The following AHNAK variants were observed in gnomAD, a reference collection of about 807,000 sequenced individuals.
AHNAK encodes the protein AHNAK nucleoprotein.
Under a neutral mutation model 37.8 loss-of-function variants are expected in AHNAK, and 23 were observed. That is an observed-to-expected ratio of 0.61 (90% CI 0.44 to 0.86). AHNAK has a LOEUF of 0.86. Ranked by LOEUF, AHNAK falls within the 40% of genes least tolerant of loss-of-function variation. The probability of loss-of-function intolerance (pLI) is 0.00; values close to 1 mark genes in which losing one functional copy is unlikely to be tolerated. For missense variants in AHNAK, 7,411 were observed against 7,319.4 expected (o/e 1.01, Z -0.46); for synonymous variants, 2,481 against 2,636.3 (o/e 0.94, Z 1.80).
intron 5 of AHNAK, chr11:62,491,601 C>T: frequency 1.3e-6 from 1 of 785,278 alleles, no homozygotes; most frequent in Non-Finnish European, 2.0e-6. Flanking sequence ...AGGGGCTGGG[C>T]TCCTGGGGTC....
intron 5 of AHNAK, among the ~76,000 whole-genome samples, chr11:62,475,900 C>T (rs1298290): frequency 0.11 from 16,118 of 152,144 alleles, 2,262 homozygotes; most frequent in African/African-American, 0.33. Flanking sequence ...CCACCGCCCC[C>T]GGCTATATAT....
chr11:62,507,735 G>A (rs1400564356), intron 4 of AHNAK, among the ~76,000 whole-genome samples: 5 of 152,066 alleles, frequency 3.3e-5, no homozygotes, highest in Admixed American at 3.3e-4. Context: ...AAGCTGAGAT[G>A]GCACCACTGC....
At chr11:62,501,047 C>T (rs928112297) in intron 4 of AHNAK, among the ~76,000 whole-genome samples, 6 of 151,746 alleles carry the variant, frequency 4.0e-5, no homozygotes, top group Non-Finnish European at 7.4e-5. Context: ...AGTGAAACAC[C>T]ATCTCTACAA....
intron 5 of AHNAK, among the ~76,000 whole-genome samples, chr11:62,436,956 T>C (rs61895390): frequency 0.026 from 3,830 of 149,826 alleles, 68 homozygotes; most frequent in Non-Finnish European, 0.04. Context: ...AAAAAAGAAG[T>C]ATAACATACA....
In AHNAK at chr11:62,530,006, C is replaced by T; in HGVS notation, c.4411G>A (p.Val1471Ile). The T allele has an allele frequency of 6.2e-7, 1 of 1,614,082 alleles. No individual in the cohort carries two copies. The highest frequency in any genetic ancestry group is 8.5e-7 in the Non-Finnish European group (1 of 1,180,028). The stretch of plus-strand genomic sequence containing the variant: ...TCTCCTTCTACTTTTGGAACTGTTA[C>T]ATCATAATCTCCTTTCATTTTAGGA... ...KGPKMKGDYD[V>I]TVPKVEGEIK... Residue 1471 changes from valine (V) to isoleucine (I), a missense_variant, in exon 5 of 5, where the codon GTA (valine) becomes ATA (isoleucine). Coordinates refer to ENST00000378024, the MANE Select transcript of AHNAK (RefSeq NM_001620.3).
chr11:62,545,349 C>A (rs962032037), intron 1 of AHNAK, among the ~76,000 whole-genome samples: 3 of 152,234 alleles, frequency 2.0e-5, no homozygotes, highest in Non-Finnish European at 4.4e-5. Context: ...TCTGCCCCCT[C>A]CGCACCCCTC....
At chr11:62,511,172 A>G (rs1369460312), downstream of AHNAK, among the ~76,000 whole-genome samples, 1 of 152,146 alleles carries the variant, frequency 6.6e-6, no homozygotes, top group Non-Finnish European at 1.5e-5. Flanking sequence ...AAAGTTAGTC[A>G]CACACATAAT....
intron 5 of AHNAK, among the ~76,000 whole-genome samples, chr11:62,463,495 C>G (rs1379960087): frequency 7.4e-6 from 1 of 134,940 alleles, no homozygotes; most frequent in Admixed American, 7.5e-5. Flanking sequence ...GCCTCCCTCC[C>G]GTCTTGCTTT....
rs765094108 is a variant in AHNAK, at chr11:62,522,006, A to T, written c.12411T>A (p.Asn4137Lys). Residue 4137 changes from asparagine to lysine, a missense_variant, in exon 5 of 5, where the codon AAT (asparagine) becomes AAA (lysine). Asn to Lys is a moderately conservative substitution (Grantham distance 94). Transcript: ENST00000378024. ...PKISMPEVDLNLKGPKMKGDV... is the reference protein window; with the variant it reads ...PKISMPEVDLKLKGPKMKGDV... ...CGCCCTTCATCTTTGGACCTTTCAG[A>T]TTCAGGTCAACTTCAGGCATAGAGA... 1.2e-6 allele frequency: 2 copies of T among 1,613,816 alleles called. No individual in the cohort carries two copies. Among genetic ancestry groups the T allele is most frequent in the East Asian group, 4.5e-5 (2 of 44,856 alleles).
At chr11:62,515,672 G>C (rs1261480310), downstream of AHNAK, among the ~76,000 whole-genome samples, 2 of 152,212 alleles carry the variant, frequency 1.3e-5, no homozygotes, top group Non-Finnish European at 2.9e-5. Flanking sequence ...TAGGTGAGTG[G>C]GTCCCGAGGC....
Position 62,521,769 on chromosome 11 carries a change from G to T in AHNAK, c.12648C>A (p.Asp4216Glu), listed in dbSNP as rs144527043. 1,156 of 1,613,098 alleles carry T rather than the reference G, an allele frequency of 7.2e-4. 1 individual carries two copies. Among genetic ancestry groups the T allele is most frequent in the Non-Finnish European group, 8.9e-4 (1,049 of 1,179,800 alleles). ...PDVDVNLPKA[D>E]LDVSGPKVDI... ...CCACCTTGGGTCCTGAGACGTCAAGGTCAGCCTTGGGCAGGTTCACATCCA... is the reference window on the plus strand; with the variant it reads ...CCACCTTGGGTCCTGAGACGTCAAGTTCAGCCTTGGGCAGGTTCACATCCA... Residue 4216 changes from aspartate (D) to glutamate (E), a missense_variant, in exon 5 of 5, where the codon GAC becomes GAA. Coordinates refer to ENST00000378024, the MANE Select transcript of AHNAK (RefSeq NM_001620.3).
chr11:62,479,752 G>A (rs1208820885), intron 5 of AHNAK, among the ~76,000 whole-genome samples: 1 of 152,160 alleles, frequency 6.6e-6, no homozygotes, highest in Non-Finnish European at 1.5e-5. Flanking sequence ...GATAAGGCAT[G>A]AAATCAAAGC....
At chr11:62,479,803 C>CTTGGAGAT (rs1366771630) in intron 5 of AHNAK, among the ~76,000 whole-genome samples, 1 of 152,220 alleles carries the variant, frequency 6.6e-6, no homozygotes, top group African/African-American at 2.4e-5. Context: ...TGATCCATTC[C>CTTGGAGAT]TGCATGCAAT....
In AHNAK at chr11:62,523,592, T is replaced by C. The variant is rs1452817034; in HGVS notation, c.10825A>G (p.Lys3609Glu). ...CCTTTGAAGCCAGGCATGCTGAACT[T>C]GGGCATTTTCACTTTGGGCATCTTC... ...HLKMPKVKMP[K>E]FSMPGFKGEG... Residue 3609 changes from lysine (K) to glutamate (E), a missense_variant, in exon 5 of 5, where the codon AAG becomes GAG. Transcript: ENST00000378024. The C allele has an allele frequency of 2.5e-6, 4 of 1,614,046 alleles. No individual in the cohort carries two copies. The African/African-American group carries it at 5.3e-5, about 22-fold the overall frequency.
In AHNAK at chr11:62,523,471, C is replaced by G; in HGVS notation, c.10946G>C (p.Gly3649Ala). Residue 3649 changes from glycine to alanine, a missense_variant, in exon 5 of 5, where the codon GGT becomes GCT. Gly to Ala is a moderately conservative substitution (Grantham distance 60). Coordinates refer to ENST00000378024, the MANE Select transcript of AHNAK (RefSeq NM_001620.3). ...GGGGCCCTTCAGCTTTGCATCTGGA[C>G]CTTCAATATTCACGTCTGGAACATC... is the stretch of plus-strand genomic sequence containing the variant. The part of the protein sequence containing the change: ...DVDVPDVNIE[G>A]PDAKLKGPKF... The G allele has an allele frequency of 6.2e-7, 1 of 1,613,350 alleles. No homozygotes were observed.
intron 4 of AHNAK, among the ~76,000 whole-genome samples, chr11:62,494,475 C>G (rs1939570317): frequency 6.6e-6 from 1 of 152,008 alleles, no homozygotes; most frequent in African/African-American, 2.4e-5. Context: ...CTCCTTACAT[C>G]AACTCTGGAG....
intron 5 of AHNAK, among the ~76,000 whole-genome samples, chr11:62,477,621 G>A (rs1939178711): frequency 6.6e-6 from 1 of 152,138 alleles, no homozygotes; most frequent in Admixed American, 6.6e-5. Context: ...GGCCAACATG[G>A]TGAAACCCCT....
rs1940700920 is a variant in AHNAK at position 62,530,594 on chromosome 11, C to T, written c.3823G>A (p.Asp1275Asn). 2 of 1,613,052 alleles carry T rather than the reference C, an allele frequency of 1.2e-6. No homozygotes were observed. The highest frequency in any genetic ancestry group is 1.3e-5 in the African/African-American group (1 of 74,562). ...ATGTCAGCCTTGGGCAGGTTCACAT[C>T]CACTTCTCGGCCCTCTCCTTTGAAG... Reference protein sequence around the residue: ...PGFKGEGREVDVNLPKADIDV... With the variant: ...PGFKGEGREVNVNLPKADIDV... The change falls in exon 5 of 5, where the codon GAT (aspartate) becomes AAT (asparagine). Residue 1275 changes from aspartate to asparagine, a missense_variant. By Grantham distance (23) the Asp-to-Asn change is conservative. Transcript: ENST00000378024.
Position 62,519,627 on chromosome 11 carries a change from A to T in AHNAK, c.14790T>A (p.Ile4930=). The T allele has an allele frequency of 6.2e-7, 1 of 1,613,670 alleles. No homozygotes were observed. The highest frequency in any genetic ancestry group is 8.5e-7 in the Non-Finnish European group (1 of 1,179,912). The change falls in exon 5 of 5, where the codon ATT becomes ATA. Residue 4930 remains isoleucine (I), a synonymous_variant. Transcript: ENST00000378024. ...CTTCTAACTTCGGACCTGAAAATCC[A>T]ATTTTTGGTGCCTTGAGATGCAAAT... ...DVDLHLKAPK[I]GFSGPKLEGG...
Sources: allele counts gnomAD v4.1 joint callset (sites outside exome capture counted in the v4.1 genomes callset), GRCh38; gene constraint gnomAD v4.1.1; transcripts MANE v1.5; gene names NCBI Gene and HGNC (gene_info 2026-07-23, HGNC 2026-07-21).